PXDN: variants seen among roughly 807,000 people sequenced by gnomAD.
The protein encoded by PXDN is peroxidasin.
A neutral mutation model predicts 140.3 loss-of-function variants in PXDN; 77 were observed. That is an observed-to-expected ratio of 0.55 (90% CI 0.46 to 0.66). The LOEUF (loss-of-function observed/expected upper bound fraction) is 0.66, where lower values mean the gene tolerates loss of function less well. PXDN is among the 30% of genes least tolerant of loss of function. PXDN has a pLI of 0.00. For missense variants in PXDN, 1,838 were observed against 2,039.5 expected (o/e 0.90, Z 1.90); for synonymous variants, 911 against 857.4 (o/e 1.06, Z -1.09).
rs1300491966 is a variant in PXDN, at chr2:1,634,020, C to G, written c.*184G>C. On this transcript the variant is annotated 3_prime_UTR_variant, in exon 23 of 23. Transcript: ENST00000252804. ...TCCCTTCAGGCACCTGCTGTGCCTCCTTCTCCGCAGATGCTCTGGTTGGAA... is the reference window on the plus strand; with the variant it reads ...TCCCTTCAGGCACCTGCTGTGCCTCGTTCTCCGCAGATGCTCTGGTTGGAA... 2.4e-6 allele frequency: 2 copies of G among 839,362 alleles called. No individual in the cohort carries two copies. Among genetic ancestry groups the G allele is most frequent in the Admixed American group, 6.3e-5 (2 of 31,730 alleles). The allele number at this position is 839,362 out of a possible 1,614,324, so 52.0% of individuals were successfully genotyped here.
At chr2:1,695,158 G>A (rs1684272594) in intron 1 of PXDN, among the ~76,000 whole-genome samples, 1 of 152,238 alleles carries the variant, frequency 6.6e-6, no homozygotes, top group African/African-American at 2.4e-5. Context: ...AAAGCAAGAT[G>A]TGGACTTGGC....
At chr2:1,710,212 C>G (rs1289054933) in intron 1 of PXDN, among the ~76,000 whole-genome samples, 1 of 152,162 alleles carries the variant, frequency 6.6e-6, no homozygotes, top group Admixed American at 6.5e-5. Context: ...AGGAGACACA[C>G]GCCGAAGAAC....
intron 21 of PXDN, among the ~76,000 whole-genome samples, chr2:1,638,632 C>A (rs1682632215): frequency 6.6e-6 from 1 of 152,220 alleles, no homozygotes; most frequent in Non-Finnish European, 1.5e-5. Context: ...TGCCTGGTGA[C>A]CCCCATCTGC....
At chr2:1,654,878 T>G (rs1224224153) in intron 14 of PXDN, among the ~76,000 whole-genome samples, 2 of 152,064 alleles carry the variant, frequency 1.3e-5, no homozygotes, top group Non-Finnish European at 2.9e-5. Context: ...GTCCAGCAGA[T>G]CTCGTCCATT....
chr2:1,679,519 G>T (rs553224753), intron 7 of PXDN, among the ~76,000 whole-genome samples: 2 of 150,236 alleles, frequency 1.3e-5, no homozygotes, highest in Non-Finnish European at 3.0e-5. Context: ...GTGCGTGTGT[G>T]TGGTTTGTGT....
chr2:1,694,369 A>T (rs930249877), intron 1 of PXDN, among the ~76,000 whole-genome samples: 3 of 152,214 alleles, frequency 2.0e-5, no homozygotes, highest in Admixed American at 2.0e-4. Flanking sequence ...TTCATGGTTC[A>T]ATAAGATACT....
At chr2:1,716,228 A>G (rs779007993) in intron 1 of PXDN, among the ~76,000 whole-genome samples, 5 of 152,100 alleles carry the variant, frequency 3.3e-5, no homozygotes, top group Non-Finnish European at 7.4e-5. Context: ...ACCTGAGGTC[A>G]GGAGTTTGAA....
chr2:1,690,566 G>A (rs1318501533), intron 3 of PXDN, among the ~76,000 whole-genome samples: 1 of 148,434 alleles, frequency 6.7e-6, no homozygotes, highest in South Asian at 2.1e-4. Flanking sequence ...ACACACACAA[G>A]GAATGCTGGC....
intron 1 of PXDN, among the ~76,000 whole-genome samples, chr2:1,740,943 TG>T (rs1270743580): frequency 6.6e-6 from 1 of 152,170 alleles, no homozygotes; most frequent in Non-Finnish European, 1.5e-5. Context: ...AAGCTCCACA[TG>T]CCCAGACCCC....
At chr2:1,650,538 A>G (rs565901758) in intron 16 of PXDN, among the ~76,000 whole-genome samples, 25 of 152,264 alleles carry the variant, frequency 1.6e-4, no homozygotes, top group African/African-American at 5.3e-4. Context: ...ACCTGCTCCA[A>G]GCAACAGCTA....
chr2:1,680,096 G>A (rs1443193731), intron 7 of PXDN, 97 bp downstream of exon 7: 4 of 1,370,552 alleles, frequency 2.9e-6, no homozygotes, highest in Admixed American at 4.4e-5. Context: ...TGTGTGTGTG[G>A]TGTGTGGATG....
chr2:1,669,304 G>A (rs1034858564), intron 9 of PXDN, among the ~76,000 whole-genome samples: 1 of 152,164 alleles, frequency 6.6e-6, no homozygotes, highest in Non-Finnish European at 1.5e-5. Context: ...CTGTCGGGGG[G>A]TTGGGGGAAA....
intron 14 of PXDN, among the ~76,000 whole-genome samples, chr2:1,656,678 G>T (rs1572131843): frequency 1.4e-5 from 2 of 146,572 alleles, no homozygotes; most frequent in Non-Finnish European, 3.0e-5. Context: ...ATCCCGACTG[G>T]GACCTGCCCC....
chr2:1,677,901 G>A (rs1041936243), intron 7 of PXDN, among the ~76,000 whole-genome samples: 2 of 152,254 alleles, frequency 1.3e-5, no homozygotes, highest in African/African-American at 4.8e-5. Context: ...CCTGCAGTGG[G>A]GCGGACACAA....
chr2:1,711,474 TCCACCAGCACCC>T (rs1302507515), intron 1 of PXDN, among the ~76,000 whole-genome samples: 9 of 118,498 alleles, frequency 7.6e-5, no homozygotes, highest in South Asian at 6.3e-4. Context: ...CAGCACCCGC[TCCACCAGCACCC>T]GCTCCACCAG....
intron 14 of PXDN, among the ~76,000 whole-genome samples, chr2:1,656,143 C>T (rs1683129406): frequency 6.6e-6 from 1 of 151,808 alleles, no homozygotes; most frequent in Non-Finnish European, 1.5e-5. Flanking sequence ...ACACAACATA[C>T]ACAAACACAC....
At chr2:1,672,604 G>C (rs1683602515) in intron 9 of PXDN, among the ~76,000 whole-genome samples, 1 of 152,214 alleles carries the variant, frequency 6.6e-6, no homozygotes, top group Admixed American at 6.5e-5. Flanking sequence ...CTTTGATTCA[G>C]CAGTACTATA....
intron 12 of PXDN, among the ~76,000 whole-genome samples, chr2:1,662,725 G>A (rs1005935187): frequency 1.3e-5 from 2 of 152,176 alleles, no homozygotes; most frequent in Non-Finnish European, 2.9e-5. Context: ...GGTCAGGGAC[G>A]CCAAGGGCAA....
chr2:1,667,535 T>C (rs1683474414), intron 9 of PXDN, among the ~76,000 whole-genome samples: 1 of 152,168 alleles, frequency 6.6e-6, no homozygotes, highest in Non-Finnish European at 1.5e-5. Flanking sequence ...GACGACATGA[T>C]TGCATATTTA....
Sources: allele counts gnomAD v4.1 joint callset (sites outside exome capture counted in the v4.1 genomes callset), GRCh38; gene constraint gnomAD v4.1.1; transcripts MANE v1.5; gene names NCBI Gene and HGNC (gene_info 2026-07-23, HGNC 2026-07-21).